The following RAB1A variants were observed in gnomAD, a reference collection of about 807,000 sequenced individuals.
The protein encoded by RAB1A is RAB1A, member RAS oncogene family, also known as ras-related protein Rab-1A.
In RAB1A, 2 loss-of-function variants were observed where a neutral mutation model predicts 26.0. The ratio of observed to expected loss-of-function variants is 0.08; its 90% CI spans 0.03 to 0.24. The LOEUF is 0.24. Ranked by LOEUF, RAB1A falls within the 10% of genes least tolerant of loss-of-function variation. RAB1A has a pLI of 1.00. For synonymous variants in RAB1A, 84 were observed against 84.9 expected (o/e 0.99, Z 0.06); for missense variants, 100 against 247.0 (o/e 0.40, Z 3.99).
chr2:65,101,211 T>C (rs751860562), intron 2 of RAB1A, among the ~76,000 whole-genome samples: 2 of 152,018 alleles, frequency 1.3e-5, no homozygotes, highest in Non-Finnish European at 2.9e-5. Flanking sequence ...TTTACTCCCA[T>C]GCCTGAGCCG....
intron 1 of RAB1A, among the ~76,000 whole-genome samples, chr2:65,113,512 CTAAA>C (rs1004049240): frequency 6.6e-6 from 1 of 151,904 alleles, no homozygotes; most frequent in Non-Finnish European, 1.5e-5. Context: ...ACCCCCATCT[CTAAA>C]TAAATAAAAT....
intron 1 of RAB1A, among the ~76,000 whole-genome samples, chr2:65,114,778 G>T (rs1455015546): frequency 1.3e-5 from 2 of 151,864 alleles, no homozygotes; most frequent in African/African-American, 4.8e-5. Flanking sequence ...CCGGGAGGCG[G>T]AGCTTGCAGT....
intron 1 of RAB1A, among the ~76,000 whole-genome samples, chr2:65,129,584 G>A (rs1398151174): frequency 6.6e-6 from 1 of 151,852 alleles, no homozygotes; most frequent in Admixed American, 6.6e-5. Context: ...GCCTCCGAGA[G>A]AAGATACCCC....
intron 1 of RAB1A, 135 bp from the exon 2 acceptor site, chr2:65,104,941 A>T: frequency 1.2e-6 from 1 of 802,532 alleles, no homozygotes. Flanking sequence ...TGCATGGCTT[A>T]AGCCAAAACT....
At chr2:65,116,454 G>A (rs141458124) in intron 1 of RAB1A, among the ~76,000 whole-genome samples, 2 of 152,094 alleles carry the variant, frequency 1.3e-5, no homozygotes, top group South Asian at 4.1e-4. Flanking sequence ...TTACCACCAT[G>A]AGCCTCAATT....
chr2:65,107,116 A>T (rs150365563), intron 1 of RAB1A, among the ~76,000 whole-genome samples: 7 of 151,404 alleles, frequency 4.6e-5, no homozygotes, highest in Non-Finnish European at 7.4e-5. Context: ...CCCAGGCTGG[A>T]GTGCAGTGAA....
At chr2:65,107,500 T>C (rs574921541) in intron 1 of RAB1A, among the ~76,000 whole-genome samples, 32 of 152,052 alleles carry the variant, frequency 2.1e-4, no homozygotes, top group Non-Finnish European at 3.5e-4. Flanking sequence ...GGTGTTGTTT[T>C]TGTTGTTAGA....
chr2:65,101,823 C>T (rs1669438455), intron 2 of RAB1A, among the ~76,000 whole-genome samples: 1 of 138,884 alleles, frequency 7.2e-6, no homozygotes, highest in South Asian at 2.4e-4. Context: ...GATCTCGACT[C>T]ACCACAACCT....
intron 1 of RAB1A, among the ~76,000 whole-genome samples, chr2:65,114,706 G>A (rs13006381): frequency 0.45 from 68,641 of 151,644 alleles, 17,862 homozygotes; most frequent in East Asian, 0.65. Context: ...TTAGCCGGGC[G>A]CGGTGGCGGG....
intron 4 of RAB1A, among the ~76,000 whole-genome samples, chr2:65,089,748 G>A (rs1372209503): frequency 6.9e-6 from 1 of 144,686 alleles, no homozygotes; most frequent in Admixed American, 7.3e-5. Flanking sequence ...TGTCATCCAG[G>A]CTGGAGTGCA....
At chr2:65,129,490 G>A (rs534908220) in intron 1 of RAB1A, among the ~76,000 whole-genome samples, 16 of 152,228 alleles carry the variant, frequency 1.1e-4, no homozygotes, top group African/African-American at 2.4e-4. Flanking sequence ...CAGAGTGCGG[G>A]CGCAGGGTCT....
intron 1 of RAB1A, among the ~76,000 whole-genome samples, chr2:65,113,818 A>G (rs1345969965): frequency 6.6e-6 from 1 of 152,230 alleles, no homozygotes; most frequent in Non-Finnish European, 1.5e-5. Flanking sequence ...TGGCTAGCTC[A>G]TCTCAGCACT....
chr2:65,125,864 CTTTTTTTTTTTTTT>C (rs55930968), intron 1 of RAB1A, among the ~76,000 whole-genome samples: 2 of 74,728 alleles, frequency 2.7e-5, no homozygotes, highest in Admixed American at 1.5e-4. Context: ...TTTCAATTGC[CTTTTTTTTTTTTTT>C]TTTTTTTTTT....
intron 1 of RAB1A, among the ~76,000 whole-genome samples, chr2:65,112,170 G>C (rs1298453458): frequency 6.9e-6 from 1 of 145,168 alleles, no homozygotes; most frequent in Non-Finnish European, 1.5e-5. Flanking sequence ...TTTTGAGACA[G>C]AGTCTTGCTC....
chr2:65,097,931 C>A, intron 3 of RAB1A, 40 bp downstream of exon 3: 1 of 1,191,158 alleles, frequency 8.4e-7, no homozygotes, highest in South Asian at 1.4e-5. Flanking sequence ...ACAAATTTAC[C>A]AAAATAAATT....
intron 1 of RAB1A, among the ~76,000 whole-genome samples, chr2:65,121,353 C>T (rs1211302901): frequency 2.0e-5 from 3 of 151,740 alleles, no homozygotes; most frequent in Non-Finnish European, 2.9e-5. Flanking sequence ...TGAATAAAGG[C>T]ATGCATATTT....
intron 1 of RAB1A, among the ~76,000 whole-genome samples, chr2:65,116,985 C>A (rs1253508934): frequency 6.6e-6 from 1 of 152,162 alleles, no homozygotes; most frequent in Non-Finnish European, 1.5e-5. Context: ...AATTTCAACC[C>A]AAGATGTGAA....
At chr2:65,090,106 T>C (rs1032903844) in intron 4 of RAB1A, among the ~76,000 whole-genome samples, 1 of 152,228 alleles carries the variant, frequency 6.6e-6, no homozygotes, top group African/African-American at 2.4e-5. Context: ...TCCACAGTCA[T>C]ATTTAGAGGA....
intron 3 of RAB1A, among the ~76,000 whole-genome samples, chr2:65,095,981 GTC>G (rs1314375409): frequency 6.6e-6 from 1 of 152,010 alleles, no homozygotes; most frequent in Non-Finnish European, 1.5e-5. Context: ...GTGAAACTCT[GTC>G]TCTACTAAAA....
Sources: gnomAD v4.1 joint callset for allele counts (sites outside exome capture counted in the v4.1 genomes callset) on GRCh38, gnomAD v4.1.1 for gene constraint, MANE v1.5 for transcripts, NCBI Gene and HGNC (gene_info 2026-07-23, HGNC 2026-07-21) for gene names.